The following MAP4 variants were observed in gnomAD, a reference collection of about 807,000 sequenced individuals.
MAP4 encodes the protein microtubule associated protein 4, also known as microtubule-associated protein 4.
MAP4 carries 76 observed loss-of-function variants against 170.2 expected under a neutral mutation model. The ratio of observed to expected loss-of-function variants is 0.45; its 90% CI spans 0.37 to 0.54. The LOEUF is 0.54. Ranked by LOEUF, MAP4 falls within the 20% of genes least tolerant of loss-of-function variation. MAP4 has a pLI of 0.00. For synonymous variants in MAP4, 909 were observed against 994.5 expected (o/e 0.91, Z 1.62); for missense variants, 2,506 against 2,748.0 (o/e 0.91, Z 1.97).
intron 3 of MAP4, among the ~76,000 whole-genome samples, chr3:47,933,746 G>A (rs1030098984): frequency 3.3e-5 from 5 of 151,850 alleles, no homozygotes; most frequent in African/African-American, 7.3e-5. Context: ...GACTACAGGC[G>A]CCTGCCACCA....
chr3:47,853,331 C>A lies in MAP4; in HGVS notation c.6718G>T (p.Ala2240Ser), dbSNP rs2047672381. Residue 2240 changes from alanine (A) to serine (S), a missense_variant, in exon 20 of 21, where the codon GCT (alanine) becomes TCT (serine). Transcript: ENST00000683076. Reference sequence around the variant, plus strand: ...GCAGGGGGACCCGGACACAGAGGAGCCTCGCTGCCACCGCCCTCAGTCTAC... The same window carrying A: ...GCAGGGGGACCCGGACACAGAGGAGACTCGCTGCCACCGCCCTCAGTCTAC... ...AVKTEGGGSE[A>S]PLCPGPPAGE... The A allele has an allele frequency of 6.2e-7, 1 of 1,609,302 alleles. No homozygotes were observed. Among genetic ancestry groups the A allele is most frequent in the Non-Finnish European group, 8.5e-7 (1 of 1,179,082 alleles).
At chr3:47,882,613 T>C (rs1191356473) in intron 10 of MAP4, among the ~76,000 whole-genome samples, 1 of 152,086 alleles carries the variant, frequency 6.6e-6, no homozygotes, top group Non-Finnish European at 1.5e-5. Flanking sequence ...CTACTACTGT[T>C]TTTTCCTCTA....
chr3:48,066,784 C>A (rs1338958341), intron 1 of MAP4, among the ~76,000 whole-genome samples: 1 of 146,204 alleles, frequency 6.8e-6, no homozygotes, highest in African/African-American at 2.5e-5. Context: ...AATAGCTGTC[C>A]CCACCTCTTT....
chr3:47,903,033 A>C (rs1056099006), intron 9 of MAP4, 33 bp from the exon 10 acceptor site: 2 of 955,246 alleles, frequency 2.1e-6, no homozygotes, highest in Non-Finnish European at 2.5e-6. Flanking sequence ...GATTATAAGA[A>C]GACCAGGCTT....
In MAP4 at chr3:47,910,408, G is replaced by A. The variant is rs1042504304; in HGVS notation, c.4013C>T (p.Ser1338Leu). ...EQIQGAGFVPSVVSEENKTDA... is the reference protein window; with the variant it reads ...EQIQGAGFVPLVVSEENKTDA... ...TGTCTTATTCTCCTCAGATACTACT[G>A]AAGGAACAAATCCTGCCCCCTGGAT... is the stretch of plus-strand genomic sequence containing the variant. Residue 1338 changes from serine to leucine, a missense_variant, in exon 9 of 21, where the codon TCA becomes TTA. Physicochemically the swap from Ser to Leu is moderately radical, Grantham distance 145. Coordinates refer to ENST00000683076, the MANE Select transcript of MAP4 (RefSeq NM_001385682.1). 1 of 1,536,410 alleles carries A rather than the reference G, an allele frequency of 6.5e-7. No individual in the cohort carries two copies. The highest frequency in any genetic ancestry group is 8.7e-7 in the Non-Finnish European group (1 of 1,146,912).
intron 1 of MAP4, among the ~76,000 whole-genome samples, chr3:48,048,091 G>A (rs2100125526): frequency 6.6e-6 from 1 of 152,118 alleles, no homozygotes; most frequent in South Asian, 2.1e-4. Flanking sequence ...ACTGGGCAAT[G>A]TATCTAGACT....
chr3:47,861,928 G>A (rs910730187), intron 17 of MAP4, among the ~76,000 whole-genome samples: 7 of 151,762 alleles, frequency 4.6e-5, no homozygotes, highest in African/African-American at 1.7e-4. Flanking sequence ...TTGGGAGGCC[G>A]AGGTGGGTGG....
chr3:47,885,487 T>C (rs1448944302), intron 10 of MAP4, among the ~76,000 whole-genome samples: 1 of 152,218 alleles, frequency 6.6e-6, no homozygotes, highest in African/African-American at 2.4e-5. Flanking sequence ...CCTCATATTC[T>C]TTTATGGAAT....
chr3:48,024,454 T>G (rs1239916674), intron 1 of MAP4, among the ~76,000 whole-genome samples: 1 of 152,062 alleles, frequency 6.6e-6, no homozygotes, highest in Non-Finnish European at 1.5e-5. Flanking sequence ...ACCATGTGAG[T>G]GGGTTCTAGA....
At chr3:47,876,452 A>G (rs2095449447) in intron 11 of MAP4, among the ~76,000 whole-genome samples, 1 of 152,134 alleles carries the variant, frequency 6.6e-6, no homozygotes, top group Admixed American at 6.6e-5. Flanking sequence ...TCTTAATGAT[A>G]GTGGCACAAA....
At chr3:48,087,755 A>G (rs963693266) in intron 1 of MAP4, among the ~76,000 whole-genome samples, 129 of 151,228 alleles carry the variant, frequency 8.5e-4, no homozygotes, top group Middle Eastern at 3.4e-3. Context: ...GCACACACAC[A>G]CACACACACA....
chr3:47,894,668 C>T (rs1355085951), intron 10 of MAP4, among the ~76,000 whole-genome samples: 2 of 151,910 alleles, frequency 1.3e-5, no homozygotes, highest in African/African-American at 4.8e-5. Flanking sequence ...TTCTTGCTTT[C>T]TTTTTTTATA....
chr3:48,014,334 TGATGA>T (rs1451218200), intron 1 of MAP4, among the ~76,000 whole-genome samples: 1 of 152,190 alleles, frequency 6.6e-6, no homozygotes, highest in Non-Finnish European at 1.5e-5. Context: ...TCATTCTGTC[TGATGA>T]GAAATTGGCA....
chr3:47,883,190 A>G (rs920288924), intron 10 of MAP4, among the ~76,000 whole-genome samples: 7 of 152,164 alleles, frequency 4.6e-5, no homozygotes, highest in Non-Finnish European at 2.9e-5. Flanking sequence ...TTCAAATATG[A>G]TTTATGACTT....
rs185460547 is a variant in MAP4, at chr3:47,923,860, A to T, written c.416-1982T>A. 4.1e-3 allele frequency among the ~76,000 whole-genome samples: 618 copies of T among 152,126 alleles called. 5 individuals carry two copies. The highest frequency in any genetic ancestry group is 0.014 in the African/African-American group (590 of 41,516). On this transcript the variant is annotated intron_variant, in intron 4 of 20. Transcript: ENST00000683076. The stretch of plus-strand genomic sequence containing the variant: ...AGAACAAAATTAAGAAAAAGAAAAG[A>T]TGGGGAGATAGAATATGAGAGAGAT...
intron 2 of MAP4, among the ~76,000 whole-genome samples, chr3:47,994,609 G>C (rs992787684): frequency 2.0e-5 from 3 of 152,152 alleles, no homozygotes; most frequent in African/African-American, 7.2e-5. Flanking sequence ...CCCAAGAGGA[G>C]GAAAGTTTTT....
At chr3:47,866,142 G>T (rs760838863) in intron 17 of MAP4, among the ~76,000 whole-genome samples, 24 of 152,084 alleles carry the variant, frequency 1.6e-4, no homozygotes, top group Non-Finnish European at 3.1e-4. Context: ...TTCAAGGCCA[G>T]CCTGGCCAGC....
At chr3:48,020,131 C>T (rs879346876), upstream of MAP4, among the ~76,000 whole-genome samples, 1 of 152,132 alleles carries the variant, frequency 6.6e-6, no homozygotes, top group South Asian at 2.1e-4. Flanking sequence ...AGTGATTCGC[C>T]TGCCTCAGCC....
chr3:47,918,953 G>C, intron 5 of MAP4, 112 bp from the exon 6 acceptor site: 1 of 873,360 alleles, frequency 1.1e-6, no homozygotes, highest in Non-Finnish European at 1.7e-6. Flanking sequence ...TTTTGAGACA[G>C]AGTTTCGCTC....
Sources: allele counts gnomAD v4.1 joint callset (sites outside exome capture counted in the v4.1 genomes callset), GRCh38; gene constraint gnomAD v4.1.1; transcripts MANE v1.5; gene names NCBI Gene and HGNC (gene_info 2026-07-23, HGNC 2026-07-21).